Variants in FSHR observed in about 807,000 individuals in gnomAD.
FSHR encodes follicle stimulating hormone receptor.
Under a neutral mutation model 52.1 loss-of-function variants are expected in FSHR, and 46 were observed. That is an observed-to-expected ratio of 0.88 (90% confidence interval 0.70 to 1.13). The LOEUF (loss-of-function observed/expected upper bound fraction) is 1.13, where lower values mean the gene tolerates loss of function less well. FSHR is among the 50% of genes most tolerant of loss of function. The probability of loss-of-function intolerance (pLI) is 0.00; values close to 1 mark genes in which losing one functional copy is unlikely to be tolerated. For synonymous variants in FSHR, 399 were observed against 309.6 expected (o/e 1.29, Z -3.03); for missense variants, 964 against 834.6 (o/e 1.16, Z -1.91).
chr2:49,074,502 G>A (rs1669874522), intron 1 of FSHR, among the ~76,000 whole-genome samples: 1 of 151,966 alleles, frequency 6.6e-6, no homozygotes, highest in Admixed American at 6.6e-5. Flanking sequence ...ATCCTCAAAA[G>A]GACAACAAAA....
intron 4 of FSHR, among the ~76,000 whole-genome samples, chr2:49,008,824 T>C (rs1197091092): frequency 2.0e-5 from 3 of 148,776 alleles, no homozygotes; most frequent in Non-Finnish European, 4.5e-5. Flanking sequence ...ATAAATGTCT[T>C]CTTTTGAGAA....
chr2:48,983,194 A>G (rs1423545534), intron 6 of FSHR, 28 bp from the exon 7 acceptor site: 3 of 1,599,138 alleles, frequency 1.9e-6, no homozygotes, highest in Non-Finnish European at 1.7e-6. Context: ...TTAAAAAACC[A>G]ATAATGTCAG....
chr2:49,021,886 T>TATATATAGAGAGAGAGAGAGAGAGAG (rs1273265515), intron 2 of FSHR, among the ~76,000 whole-genome samples: 1 of 25,126 alleles, frequency 4.0e-5, no homozygotes, highest in African/African-American at 1.5e-4. Flanking sequence ...TATATATATA[T>TATATATAGAGAGAGAGAGAGAGAGAG]AGAGAGAGAG....
At chr2:49,026,435 A>G (rs547449208) in intron 2 of FSHR, among the ~76,000 whole-genome samples, 33 of 152,312 alleles carry the variant, frequency 2.2e-4, no homozygotes, top group African/African-American at 7.9e-4. Flanking sequence ...CCTCACAACA[A>G]CCTTGTCAGC....
At chr2:49,082,851 C>T (rs369856811) in intron 1 of FSHR, among the ~76,000 whole-genome samples, 1 of 151,850 alleles carries the variant, frequency 6.6e-6, no homozygotes, top group African/African-American at 2.4e-5. Flanking sequence ...TATGTGAAAA[C>T]ACCAAATCTA....
intron 2 of FSHR, among the ~76,000 whole-genome samples, chr2:49,049,400 C>G (rs1368986697): frequency 6.6e-6 from 1 of 152,016 alleles, no homozygotes; most frequent in Non-Finnish European, 1.5e-5. Flanking sequence ...GTCAGAAATG[C>G]CTTGAGTAAC....
rs186873629 is a variant in FSHR at position 48,976,300 on chromosome 2, G to A, written c.668+6612C>T. ...TGATGGATTATGTTTATTGATTTGT[G>A]TATTTTGAACCAGCCTTGCATCCCA... On this transcript the variant is annotated intron_variant, in intron 8 of 9. Coordinates refer to ENST00000406846, the MANE Select transcript of FSHR (RefSeq NM_000145.4). Among the ~76,000 whole-genome samples, 152 of 152,276 alleles carry A rather than the reference G, an allele frequency of 1.0e-3. 1 individual carries two copies. Among genetic ancestry groups the A allele is most frequent in the African/African-American group, 3.3e-3 (137 of 41,570 alleles).
In FSHR at chr2:49,077,916, G is replaced by A. The variant is rs553226554; in HGVS notation, c.153-9626C>T. Among the ~76,000 whole-genome samples, 280 of 152,244 alleles carry A rather than the reference G, an allele frequency of 1.8e-3. 1 individual carries two copies. Among genetic ancestry groups the A allele is most frequent in the African/African-American group, 6.3e-3 (261 of 41,548 alleles). ...AACGTTATTGTTCATATCACTATCA[G>A]CATTTTTGTCAAAGCCATTCAACAA... is the stretch of plus-strand genomic sequence containing the variant. On this transcript the variant is annotated intron_variant, in intron 1 of 9. Transcript: ENST00000406846.
intron 1 of FSHR, among the ~76,000 whole-genome samples, chr2:49,115,050 G>A (rs1051294600): frequency 6.6e-6 from 1 of 150,698 alleles, no homozygotes; most frequent in African/African-American, 2.4e-5. Context: ...GCCCAGTTGT[G>A]GTGGACAAGA....
chr2:49,038,641 T>A (rs1485353293), intron 2 of FSHR, among the ~76,000 whole-genome samples: 9,677 of 66,144 alleles, frequency 0.15, 1,223 homozygotes, highest in African/African-American at 0.22. Flanking sequence ...ATAATAATAA[T>A]AATAATAATA....
At chr2:49,075,960 C>G (rs962353585) in intron 1 of FSHR, among the ~76,000 whole-genome samples, 1 of 152,062 alleles carries the variant, frequency 6.6e-6, no homozygotes, top group African/African-American at 2.4e-5. Flanking sequence ...TTTGAAAAAT[C>G]AGAAAACATG....
rs912110759 is a variant in FSHR at position 48,963,870 on chromosome 2, G to T, written c.951C>A (p.Asp317Glu). 22 of 1,614,126 alleles carry T rather than the reference G, an allele frequency of 1.4e-5. No individual in the cohort carries two copies. The highest frequency in any genetic ancestry group is 6.7e-5 in the African/African-American group (5 of 75,034). ...ATCCTCTGCTGTAGCTGGACTCATTGTCTTCTGCCAGAGAGGATCTCTGAC... is the reference window on the plus strand; with the variant it reads ...ATCCTCTGCTGTAGCTGGACTCATTTTCTTCTGCCAGAGAGGATCTCTGAC... ...ARGQRSSLAEDNESSYSRGFD... is the reference protein window; with the variant it reads ...ARGQRSSLAEENESSYSRGFD... Residue 317 changes from aspartate to glutamate, a missense_variant, in exon 10 of 10, where the codon GAC (aspartate) becomes GAA (glutamate). Physicochemically the swap from Asp to Glu is conservative, Grantham distance 45. Coordinates refer to ENST00000406846, the MANE Select transcript of FSHR (RefSeq NM_000145.4).
At chr2:49,101,513 A>G (rs1214866085) in intron 1 of FSHR, among the ~76,000 whole-genome samples, 1 of 152,092 alleles carries the variant, frequency 6.6e-6, no homozygotes, top group African/African-American at 2.4e-5. Flanking sequence ...TGAAGAGAGA[A>G]AGATTATGTC....
At chr2:48,984,585 T>C (rs1245386090) in intron 6 of FSHR, among the ~76,000 whole-genome samples, 1 of 79,650 alleles carries the variant, frequency 1.3e-5, no homozygotes, top group Admixed American at 1.7e-4. Context: ...AATAATTGGG[T>C]ATTTTTTTTT....
At chr2:49,009,328 G>A (rs1165538212) in intron 4 of FSHR, among the ~76,000 whole-genome samples, 1 of 152,070 alleles carries the variant, frequency 6.6e-6, no homozygotes, top group African/African-American at 2.4e-5. Context: ...TCAAAGATCA[G>A]ATAGTTGTAG....
rs1553333458 is a variant in FSHR at position 49,013,513 on chromosome 2, T to TATAAATATATATATAA, written c.374+3975_374+3976insTTATATATATATTTAT. Among the ~76,000 whole-genome samples, 32 of 136,566 alleles carry TATAAATATATATATAA rather than the reference T, an allele frequency of 2.3e-4. 1 individual carries two copies. The highest frequency in any genetic ancestry group is 8.9e-4 in the African/African-American group (32 of 35,928). 89.6% of individuals were successfully genotyped at this position (136,566 alleles called of 152,430 possible). On this transcript the variant is annotated intron_variant, in intron 4 of 9. Coordinates refer to ENST00000406846, the MANE Select transcript of FSHR (RefSeq NM_000145.4). Reference sequence around the variant, plus strand: ...ATATATATATATAAATATATATATATATAAATATATATAAAAATATATATA... The same window carrying TATAAATATATATATAA: ...ATATATATATATAAATATATATATATATAAATATATATATAAATAAATATATATAAAAATATATATA...
intron 1 of FSHR, among the ~76,000 whole-genome samples, chr2:49,152,284 C>T (rs1051802480): frequency 6.6e-6 from 1 of 152,118 alleles, no homozygotes; most frequent in Non-Finnish European, 1.5e-5. Context: ...CTCTGTTCAT[C>T]ACACTCTCTC....
intron 1 of FSHR, among the ~76,000 whole-genome samples, chr2:49,100,932 GA>G (rs1671004072): frequency 6.6e-6 from 1 of 152,162 alleles, no homozygotes; most frequent in Admixed American, 6.6e-5. Flanking sequence ...AGGAGAACTG[GA>G]AAGTGTTGTG....
Position 49,140,621 on chromosome 2 carries a change from A to T in FSHR, c.152+13645T>A, listed in dbSNP as rs187711222. Among the ~76,000 whole-genome samples, 212 of 151,942 alleles carry T rather than the reference A, an allele frequency of 1.4e-3. 2 individuals are homozygous for T. The Middle Eastern group carries it at 0.027, about 20-fold the overall frequency. On this transcript the variant is annotated intron_variant, in intron 1 of 9. Transcript: ENST00000406846. ...AGGCTGAGGCAGGAGAATCACTTGA[A>T]CCCAAGAGGCAGAGGTTGCAGTGAG...
Sources: gnomAD v4.1 joint callset for allele counts (sites outside exome capture counted in the v4.1 genomes callset) on GRCh38, gnomAD v4.1.1 for gene constraint, MANE v1.5 for transcripts, NCBI Gene and HGNC (gene_info 2026-07-23, HGNC 2026-07-21) for gene names.